The following AJAP1 variants were observed in gnomAD, a reference collection of about 807,000 sequenced individuals.
AJAP1 encodes adherens junctions associated protein 1, also known as adherens junction-associated protein 1.
Under a neutral mutation model 35.0 loss-of-function variants are expected in AJAP1, and 5 were observed. The observed-to-expected ratio is 0.14, with a 90% CI of 0.07 to 0.30. The LOEUF (loss-of-function observed/expected upper bound fraction) is 0.30, where lower values mean the gene tolerates loss of function less well. Ranked by LOEUF, AJAP1 falls within the 10% of genes least tolerant of loss-of-function variation. AJAP1 has a pLI of 1.00. For missense variants in AJAP1, 586 were observed against 571.0 expected (o/e 1.03, Z -0.27); for synonymous variants, 284 against 249.3 (o/e 1.14, Z -1.31).
intron 5 of AJAP1, among the ~76,000 whole-genome samples, chr1:4,775,381 T>C (rs1380560631): frequency 1.3e-5 from 2 of 152,220 alleles, no homozygotes; most frequent in East Asian, 3.8e-4. Flanking sequence ...CATCCTCATC[T>C]TGCTTCCTTC....
At chr1:4,753,220 G>A (rs1641358917) in intron 2 of AJAP1, among the ~76,000 whole-genome samples, 1 of 152,182 alleles carries the variant, frequency 6.6e-6, no homozygotes, top group Admixed American at 6.6e-5. Flanking sequence ...GCAGTGTATG[G>A]AGAGAGAGTG....
intron 1 of AJAP1, among the ~76,000 whole-genome samples, chr1:4,699,002 C>G (rs1043274050): frequency 9.2e-5 from 14 of 152,192 alleles, no homozygotes; most frequent in Admixed American, 1.3e-4. Flanking sequence ...CTGTGTACCC[C>G]CTCCATCACA....
chr1:4,690,961 G>A (rs1484680101), intron 1 of AJAP1, among the ~76,000 whole-genome samples: 1 of 152,190 alleles, frequency 6.6e-6, no homozygotes, highest in African/African-American at 2.4e-5. Flanking sequence ...CCTCACAGAA[G>A]GGCAGGCCAT....
intron 1 of AJAP1, among the ~76,000 whole-genome samples, chr1:4,666,625 T>C (rs12137938): frequency 0.79 from 77,141 of 97,952 alleles, 31,538 homozygotes; most frequent in African/African-American, 0.82. Context: ...GAGAGGTGCC[T>C]GTGAATCATG....
Position 4,701,764 on chromosome 1 carries a change from C to T in AJAP1, c.30-10136C>T, listed in dbSNP as rs377017564. ...AATGGTCTGTGGTACCACAGGATGC[C>T]GTTTTTACCATCTTCTGCAAGGAGG... On this transcript the variant is annotated intron_variant, in intron 1 of 5. Coordinates refer to ENST00000378191, the MANE Select transcript of AJAP1 (RefSeq NM_018836.4). Among the ~76,000 whole-genome samples, 32 of 152,270 alleles carry T rather than the reference C, an allele frequency of 2.1e-4. No individual in the cohort carries two copies. In the East Asian group the frequency reaches 4.6e-3, roughly 22 times the overall value.
In AJAP1 at chr1:4,723,032, G is replaced by A. The variant is rs947517528; in HGVS notation, c.829+10333G>A. On this transcript the variant is annotated intron_variant, in intron 2 of 5. Transcript: ENST00000378191. This position sits in a 1 kb window ranked among gnomAD's most constrained non-coding sequence, Gnocchi z 4.3. ...CTCTCTGAGGGCATTCTAGGGGGAA[G>A]ACAGGAGGCAATGATACCAGATGGG... 2.0e-5 allele frequency among the ~76,000 whole-genome samples: 3 copies of A among 152,196 alleles called. No individual in the cohort carries two copies. Among genetic ancestry groups the A allele is most frequent in the Non-Finnish European group, 2.9e-5 (2 of 68,036 alleles).
rs12095258 is a variant in AJAP1, at chr1:4,734,805, C to T, written c.829+22106C>T. Among the ~76,000 whole-genome samples the T allele has an allele frequency of 0.31, 46,476 of 152,020 alleles. 7,822 individuals are homozygous for T. Among genetic ancestry groups the T allele is most frequent in the African/African-American group, 0.44 (18,234 of 41,458 alleles). The stretch of plus-strand genomic sequence containing the variant: ...CAGGGCCAAGGCTCTCACCTTCCCC[C>T]GGACAAGGTTTCTAAGGCCCGGGAA... On this transcript the variant is annotated intron_variant, in intron 2 of 5. Coordinates refer to ENST00000378191, the MANE Select transcript of AJAP1 (RefSeq NM_018836.4). This position sits in a 1 kb window ranked among gnomAD's most constrained non-coding sequence, Gnocchi z 4.3.
intron 2 of AJAP1, among the ~76,000 whole-genome samples, chr1:4,736,483 C>T (rs1459189106): frequency 6.6e-6 from 1 of 152,242 alleles, no homozygotes; most frequent in East Asian, 1.9e-4. Flanking sequence ...TTCCTCTAAT[C>T]CTCTGTGGCC....
At chr1:4,725,739 G>A (rs758306958) in intron 2 of AJAP1, among the ~76,000 whole-genome samples, 4 of 152,048 alleles carry the variant, frequency 2.6e-5, no homozygotes, top group Admixed American at 6.6e-5. Context: ...TCAGGGTGTC[G>A]GGAGGGCCGG....
At chr1:4,752,480 T>G (rs1012146996) in intron 2 of AJAP1, among the ~76,000 whole-genome samples, 1 of 152,186 alleles carries the variant, frequency 6.6e-6, no homozygotes, top group Non-Finnish European at 1.5e-5. Context: ...ATTCGCAATC[T>G]TACGAGCTAT....
chr1:4,756,346 C>A (rs1479860112), intron 2 of AJAP1, among the ~76,000 whole-genome samples: 1 of 152,172 alleles, frequency 6.6e-6, no homozygotes, highest in African/African-American at 2.4e-5. Flanking sequence ...GAGCCCAGGA[C>A]CAGTGCTCAG....
chr1:4,746,423 G>T (rs1251178068), intron 2 of AJAP1, among the ~76,000 whole-genome samples: 3 of 152,102 alleles, frequency 2.0e-5, no homozygotes, highest in Non-Finnish European at 4.4e-5. Flanking sequence ...TCTTTTGGGG[G>T]AGGGAGCACC....
intron 2 of AJAP1, among the ~76,000 whole-genome samples, chr1:4,767,495 CATT>C (rs1241135608): frequency 4.0e-5 from 6 of 151,502 alleles, no homozygotes; most frequent in African/African-American, 1.5e-4. Flanking sequence ...CCATTACCAT[CATT>C]ATCACCATCA....
intron 1 of AJAP1, among the ~76,000 whole-genome samples, chr1:4,703,151 C>T (rs976884847): frequency 6.6e-5 from 10 of 152,134 alleles, no homozygotes; most frequent in Admixed American, 1.3e-4. Flanking sequence ...AGGTAGAGCG[C>T]GGAGTGGCTC....
chr1:4,722,633 C>T (rs34825878), intron 2 of AJAP1, among the ~76,000 whole-genome samples: 21,467 of 152,238 alleles, frequency 0.14, 1,801 homozygotes, highest in Non-Finnish European at 0.17. Flanking sequence ...GTGGTCCCTC[C>T]GGAGGCCCTG....
At chr1:4,707,102 G>C (rs76630184) in intron 1 of AJAP1, among the ~76,000 whole-genome samples, 3,207 of 152,174 alleles carry the variant, frequency 0.021, 91 homozygotes, top group South Asian at 0.12. Context: ...TGAGGACTGG[G>C]TGGATGAACC....
At chr1:4,728,894 C>T (rs748828915) in intron 2 of AJAP1, among the ~76,000 whole-genome samples, 4 of 152,010 alleles carry the variant, frequency 2.6e-5, no homozygotes, top group Middle Eastern at 3.2e-3. Flanking sequence ...GTCCTGTCAC[C>T]GGGGACATGG....
intron 1 of AJAP1, among the ~76,000 whole-genome samples, chr1:4,686,538 C>T (rs17344947): frequency 0.06 from 9,211 of 152,258 alleles, 470 homozygotes; most frequent in Admixed American, 0.16. Context: ...AAATGATAAA[C>T]CCCAGTCTTT....
chr1:4,684,913 C>A (rs1639571931), intron 1 of AJAP1, among the ~76,000 whole-genome samples: 1 of 152,192 alleles, frequency 6.6e-6, no homozygotes, highest in Admixed American at 6.5e-5. Flanking sequence ...GAAGCCAGGC[C>A]CATTGGCAGC....
Sources: allele counts gnomAD v4.1 joint callset (sites outside exome capture counted in the v4.1 genomes callset), GRCh38; gene constraint gnomAD v4.1.1; non-coding constraint Gnocchi (gnomAD v3.1); transcripts MANE v1.5; gene names NCBI Gene and HGNC (gene_info 2026-07-23, HGNC 2026-07-21).